The following CNBD2 variants were observed in gnomAD, a reference collection of about 807,000 sequenced individuals.
The protein encoded by CNBD2 is cyclic nucleotide binding domain containing 2, also known as cyclic nucleotide-binding domain-containing protein 2.
CNBD2 carries 64 observed loss-of-function variants against 63.7 expected under a neutral mutation model. The observed-to-expected ratio is 1.00, with a 90% confidence interval of 0.82 to 1.24. The LOEUF is 1.24. CNBD2 is among the 50% of genes most tolerant of loss of function. The pLI, the probability that CNBD2 is intolerant of heterozygous loss-of-function variation, is 0.00. For synonymous variants in CNBD2, 229 were observed against 255.4 expected (o/e 0.90, Z 0.99); for missense variants, 691 against 713.5 (o/e 0.97, Z 0.36).
intron 10 of CNBD2, among the ~76,000 whole-genome samples, chr20:36,013,024 T>G (rs1273787901): frequency 6.6e-6 from 1 of 152,152 alleles, no homozygotes; most frequent in African/African-American, 2.4e-5. Context: ...AGTAAAATTA[T>G]TCTCTATGGT....
chr20:36,013,419 A>G (rs1166515884), intron 10 of CNBD2, among the ~76,000 whole-genome samples: 1 of 152,154 alleles, frequency 6.6e-6, no homozygotes, highest in Non-Finnish European at 1.5e-5. Flanking sequence ...CTCCATCTCA[A>G]AAAAAGAAAA....
downstream of CNBD2, among the ~76,000 whole-genome samples, chr20:35,958,578 A>G (rs11697024): frequency 0.098 from 14,881 of 152,234 alleles, 779 homozygotes; most frequent in South Asian, 0.16. Context: ...CAAAACCAGG[A>G]AATTGACATT....
chr20:36,007,189 AAAATAAATAAAT>A (rs553581625), intron 8 of CNBD2, among the ~76,000 whole-genome samples: 3 of 151,610 alleles, frequency 2.0e-5, no homozygotes, highest in African/African-American at 7.3e-5. Context: ...AATCCTCTCA[AAAATAAATAAAT>A]AAATAAATAA....
upstream of CNBD2, among the ~76,000 whole-genome samples, chr20:35,964,092 C>A (rs1396035983): frequency 1.3e-5 from 2 of 152,256 alleles, no homozygotes; most frequent in East Asian, 1.9e-4. Context: ...GCCCAGCCTC[C>A]TTCCTCATAA....
At chr20:36,025,712 A>G (rs1260439686) in intron 11 of CNBD2, among the ~76,000 whole-genome samples, 3 of 152,132 alleles carry the variant, frequency 2.0e-5, no homozygotes, top group Admixed American at 2.0e-4. Context: ...TATAATGGGA[A>G]CAAATAACTT....
chr20:35,997,969 G>A (rs1388377107), intron 8 of CNBD2, among the ~76,000 whole-genome samples: 2 of 151,498 alleles, frequency 1.3e-5, no homozygotes, highest in African/African-American at 4.8e-5. Context: ...ATATTTAGAA[G>A]AGTGTTTAGT....
intron 10 of CNBD2, among the ~76,000 whole-genome samples, chr20:36,012,172 C>A (rs990287714): frequency 3.3e-5 from 5 of 152,096 alleles, no homozygotes; most frequent in African/African-American, 1.2e-4. Context: ...TGGTGGCACA[C>A]ACCTGTAATC....
intron 4 of CNBD2, 103 bp from the exon 5 acceptor site, chr20:35,983,879 C>T (rs1458055666): frequency 1.5e-6 from 2 of 1,373,102 alleles, no homozygotes; most frequent in African/African-American, 2.9e-5. Context: ...CAAGTCTGTG[C>T]TCTTATATCC....
intron 4 of CNBD2, among the ~76,000 whole-genome samples, chr20:35,981,914 C>T (rs1323141759): frequency 6.6e-6 from 1 of 152,184 alleles, no homozygotes; most frequent in African/African-American, 2.4e-5. Context: ...AGTGAGTACT[C>T]TCTAAGAGGT....
At chr20:35,954,726 C>A (rs1361538612) in exon 1 of CNBD2, 1 of 884,188 alleles carries the variant, frequency 1.1e-6, no homozygotes, top group Non-Finnish European at 1.5e-6. Flanking sequence ...AGTCCCGGAC[C>A]TTATCCGTGC....
In CNBD2 at chr20:36,030,680, A is replaced by G; in HGVS notation, c.*32A>G. Reference sequence around the variant, plus strand: ...AGCACAGGGGTCCTTATTTAGGACAAATAAAGGATGGTGGATTGGGCGCTG... The same window carrying G: ...AGCACAGGGGTCCTTATTTAGGACAGATAAAGGATGGTGGATTGGGCGCTG... On this transcript the variant is annotated 3_prime_UTR_variant, in exon 12 of 12. Coordinates refer to ENST00000373973, the MANE Select transcript of CNBD2 (RefSeq NM_001365709.1). 1 of 1,607,798 alleles carries G rather than the reference A, an allele frequency of 6.2e-7. No individual in the cohort carries two copies. Among genetic ancestry groups the G allele is most frequent in the Non-Finnish European group, 8.5e-7 (1 of 1,175,160 alleles).
intron 7 of CNBD2, among the ~76,000 whole-genome samples, chr20:35,992,175 C>G (rs2056755717): frequency 6.6e-6 from 1 of 152,226 alleles, no homozygotes; most frequent in South Asian, 2.1e-4. Flanking sequence ...ACCACCGCGC[C>G]TGGCGGGGAA....
chr20:35,975,093 C>G (rs1187691956), intron 2 of CNBD2: 1 of 142,102 alleles, frequency 7.0e-6, no homozygotes, highest in Non-Finnish European at 1.5e-5. Flanking sequence ...GCTCCGCCTC[C>G]CGGGTTCACG....
intron 8 of CNBD2, among the ~76,000 whole-genome samples, chr20:36,004,195 A>G (rs6088980): frequency 6.6e-6 from 1 of 152,184 alleles, no homozygotes; most frequent in African/African-American, 2.4e-5. Context: ...CAAGTGTGTG[A>G]CTAGTAGGAG....
At chr20:35,973,032 C>G (rs921783693) in intron 2 of CNBD2, 1 of 491,208 alleles carries the variant, frequency 2.0e-6, no homozygotes, top group Admixed American at 3.7e-5. Context: ...GCAGGCTCCA[C>G]TGCAACAGCA....
At chr20:35,965,933 C>G (rs2056341866), upstream of CNBD2, among the ~76,000 whole-genome samples, 1 of 152,166 alleles carries the variant, frequency 6.6e-6, no homozygotes, top group Non-Finnish European at 1.5e-5. Context: ...TTTTTGGGGT[C>G]TCATCAGGTC....
intron 2 of CNBD2, chr20:35,973,134 A>G: frequency 2.7e-6 from 1 of 375,456 alleles, no homozygotes; most frequent in African/African-American, 2.0e-5. Context: ...TCTCTTTCCA[A>G]ATTCATCAAA....
intron 7 of CNBD2, among the ~76,000 whole-genome samples, chr20:35,990,674 G>A (rs183386281): frequency 1.3e-5 from 2 of 151,968 alleles, no homozygotes. Context: ...TATCTGGCTG[G>A]GTACAGTGGC....
intron 7 of CNBD2, among the ~76,000 whole-genome samples, chr20:35,993,890 T>C (rs1248653714): frequency 1.5e-5 from 2 of 130,496 alleles, no homozygotes; most frequent in East Asian, 4.5e-4. Flanking sequence ...TTTTTTTTTT[T>C]GGAGACAGAA....
Sources: gnomAD v4.1 joint callset for allele counts (sites outside exome capture counted in the v4.1 genomes callset) on GRCh38, gnomAD v4.1.1 for gene constraint, MANE v1.5 for transcripts, NCBI Gene and HGNC (gene_info 2026-07-23, HGNC 2026-07-21) for gene names.